Variants in KALRN observed in about 807,000 individuals in gnomAD.
KALRN encodes the protein kalirin RhoGEF kinase.
In KALRN, 70 loss-of-function variants were observed where a neutral mutation model predicts 353.7. The observed-to-expected ratio is 0.20, with a 90% CI of 0.16 to 0.24. KALRN has a LOEUF of 0.24. Ranked by LOEUF, KALRN falls within the 10% of genes least tolerant of loss-of-function variation. The pLI is 1.00. For synonymous variants in KALRN, 1,391 were observed against 1,434.8 expected (o/e 0.97, Z 0.69); for missense variants, 2,791 against 3,756.7 (o/e 0.74, Z 6.72).
chr3:124,704,530 T>G (rs566147197), intron 57 of KALRN, among the ~76,000 whole-genome samples: 83 of 147,258 alleles, frequency 5.6e-4, no homozygotes, highest in African/African-American at 2.1e-3. Flanking sequence ...AAATAATACA[T>G]GGAAATTCTT....
intron 1 of KALRN, among the ~76,000 whole-genome samples, chr3:124,167,700 C>T (rs2071095129): frequency 1.3e-5 from 2 of 152,176 alleles, no homozygotes; most frequent in African/African-American, 4.8e-5. Context: ...AGTAAATTAC[C>T]ATTGCAGCAA....
At chr3:124,687,015 A>T (rs924343276) in intron 51 of KALRN, among the ~76,000 whole-genome samples, 2 of 151,692 alleles carry the variant, frequency 1.3e-5, no homozygotes, top group African/African-American at 4.8e-5. Flanking sequence ...GGTTCTCCCG[A>T]TGTTGTTCAG....
chr3:124,479,530 TG>T (rs2061751669), intron 27 of KALRN, among the ~76,000 whole-genome samples: 1 of 152,174 alleles, frequency 6.6e-6, no homozygotes, highest in African/African-American at 2.4e-5. Flanking sequence ...GCATAATCTT[TG>T]TGGCTTACTT....
chr3:124,308,959 G>A (rs1439854494), intron 6 of KALRN, among the ~76,000 whole-genome samples: 1 of 151,954 alleles, frequency 6.6e-6, no homozygotes, highest in Non-Finnish European at 1.5e-5. Flanking sequence ...AGAAGTGAAA[G>A]AGGGGATATT....
At chr3:124,615,768 C>T (rs890228516) in intron 34 of KALRN, among the ~76,000 whole-genome samples, 2 of 152,146 alleles carry the variant, frequency 1.3e-5, no homozygotes, top group Non-Finnish European at 2.9e-5. Flanking sequence ...TCTGTGCTCC[C>T]GGTAGCAAGG....
intron 5 of KALRN, among the ~76,000 whole-genome samples, chr3:124,270,112 G>A (rs1327373845): frequency 6.6e-6 from 1 of 152,214 alleles, no homozygotes; most frequent in East Asian, 1.9e-4. Flanking sequence ...AAGCTAAAGA[G>A]AAGAAAGAAG....
intron 25 of KALRN, 69 bp from the exon 26 acceptor site, chr3:124,474,594 C>A (rs2061267336): frequency 1.7e-6 from 2 of 1,209,380 alleles, no homozygotes; most frequent in African/African-American, 1.5e-5. Context: ...GTTGTGCTGG[C>A]CTCAGTGCAA....
At chr3:124,677,395 G>A (rs1337629438) in intron 49 of KALRN, 2 of 332,332 alleles carry the variant, frequency 6.0e-6, no homozygotes, top group African/African-American at 4.4e-5. Flanking sequence ...CTGTGAAGAA[G>A]TTGCTCCCAA....
rs892089640 is a variant in KALRN at position 124,336,199 on chromosome 3, C to A, written c.1647+1704C>A. ...TCAGTTGAGTTATCAGAGGCAACACCTCAGTCCCAGGAGAAATGGGCACTA... is the reference window on the plus strand; with the variant it reads ...TCAGTTGAGTTATCAGAGGCAACACATCAGTCCCAGGAGAAATGGGCACTA... On this transcript the variant is annotated intron_variant, in intron 9 of 59. Coordinates refer to ENST00000682506, the MANE Select transcript of KALRN (RefSeq NM_001388419.1). Among the ~76,000 whole-genome samples, 7 of 152,124 alleles carry A rather than the reference C, an allele frequency of 4.6e-5. No homozygotes were observed. The East Asian group carries it at 1.4e-3, about 29-fold the overall frequency.
At chr3:124,365,149 G>C (rs2084511170) in intron 10 of KALRN, among the ~76,000 whole-genome samples, 2 of 152,060 alleles carry the variant, frequency 1.3e-5, no homozygotes, top group Non-Finnish European at 1.5e-5. Context: ...CTTAACCCTA[G>C]GCACCTCAAG....
chr3:124,219,016 A>T (rs564443796), intron 1 of KALRN, among the ~76,000 whole-genome samples: 2 of 152,332 alleles, frequency 1.3e-5, no homozygotes, highest in Admixed American at 6.5e-5. Flanking sequence ...TGAGAGAGGG[A>T]GAAAGATGAA....
At chr3:124,375,582 G>C (rs2086479352) in intron 10 of KALRN, among the ~76,000 whole-genome samples, 1 of 152,148 alleles carries the variant, frequency 6.6e-6, no homozygotes, top group African/African-American at 2.4e-5. Context: ...CTGGAATCTG[G>C]ACTGTATTTT....
intron 1 of KALRN, among the ~76,000 whole-genome samples, chr3:124,079,629 T>C (rs2060438271): frequency 6.6e-6 from 1 of 152,192 alleles, no homozygotes; most frequent in Admixed American, 6.5e-5. Flanking sequence ...TCATAGAACA[T>C]AGAGTTGTTG....
chr3:124,645,659 T>C (rs71618093), intron 37 of KALRN, among the ~76,000 whole-genome samples: 1 of 89,682 alleles, frequency 1.1e-5, no homozygotes, highest in Non-Finnish European at 2.3e-5. Context: ...TCTCTCTCTC[T>C]GTGCGTGTGT....
chr3:124,669,097 A>G (rs1056008617), intron 47 of KALRN, among the ~76,000 whole-genome samples: 6 of 152,176 alleles, frequency 3.9e-5, no homozygotes, highest in African/African-American at 1.4e-4. Flanking sequence ...GCCAACATGG[A>G]GAGGTAAGTA....
At chr3:124,433,113 C>A (rs1171412992) in intron 16 of KALRN, among the ~76,000 whole-genome samples, 2 of 152,156 alleles carry the variant, frequency 1.3e-5, no homozygotes, top group African/African-American at 4.8e-5. Flanking sequence ...TTGGGTTTGG[C>A]TTAACCCATT....
intron 1 of KALRN, among the ~76,000 whole-genome samples, chr3:124,144,811 C>T (rs1015244334): frequency 3.3e-5 from 5 of 152,128 alleles, no homozygotes; most frequent in African/African-American, 1.2e-4. Context: ...GGGCCTCTGT[C>T]GTCTGGAAGT....
intron 34 of KALRN, among the ~76,000 whole-genome samples, chr3:124,619,822 A>G (rs1317694503): frequency 6.6e-6 from 1 of 151,280 alleles, no homozygotes; most frequent in Non-Finnish European, 1.5e-5. Flanking sequence ...AGGAACCTAC[A>G]TACTGTTTGC....
At chr3:124,418,648 T>C (rs1318106725) in intron 14 of KALRN, among the ~76,000 whole-genome samples, 1 of 151,152 alleles carries the variant, frequency 6.6e-6, no homozygotes, top group Admixed American at 6.6e-5. Context: ...CAGTCACCTC[T>C]CTCCTTGAGG....
Sources: gnomAD v4.1 joint callset for allele counts (sites outside exome capture counted in the v4.1 genomes callset) on GRCh38, gnomAD v4.1.1 for gene constraint, MANE v1.5 for transcripts, NCBI Gene and HGNC (gene_info 2026-07-23, HGNC 2026-07-21) for gene names.